PPHLN1: variants seen among roughly 807,000 people sequenced by gnomAD.
PPHLN1 encodes periphilin-1.
A neutral mutation model predicts 51.3 loss-of-function variants in PPHLN1; 29 were observed. The ratio of observed to expected loss-of-function variants is 0.57; its 90% CI spans 0.42 to 0.77. PPHLN1 has a LOEUF of 0.77. Ranked by LOEUF, PPHLN1 falls within the 30% of genes least tolerant of loss-of-function variation. The pLI, the probability that PPHLN1 is intolerant of heterozygous loss-of-function variation, is 0.00. For synonymous variants in PPHLN1, 147 were observed against 147.8 expected (o/e 0.99, Z 0.04); for missense variants, 436 against 438.4 (o/e 0.99, Z 0.05).
In PPHLN1 at chr12:42,356,110, G is replaced by A. The variant is rs138575917; in HGVS notation, c.299+888G>A. On this transcript the variant is annotated intron_variant, in intron 4 of 9. Transcript: ENST00000358314. ...TAAATGACATCACAGTGGTGGTATCGAAAGTTGTAAAAGGAGCCTTGTAGA... is the reference window on the plus strand; with the variant it reads ...TAAATGACATCACAGTGGTGGTATCAAAAGTTGTAAAAGGAGCCTTGTAGA... Among the ~76,000 whole-genome samples the A allele has an allele frequency of 6.6e-3, 1,005 of 152,266 alleles. 5 individuals are homozygous for A. Among genetic ancestry groups the A allele is most frequent in the Non-Finnish European group, 1.0e-2 (677 of 68,014 alleles).
intron 2 of PPHLN1, 138 bp from the exon 3 acceptor site, chr12:42,351,745 TTA>T: frequency 5.2e-6 from 3 of 574,302 alleles, no homozygotes; most frequent in Non-Finnish European, 8.2e-6. Flanking sequence ...TTAGTTATAT[TTA>T]TGTTATTTCA....
intron 9 of PPHLN1, among the ~76,000 whole-genome samples, chr12:42,422,985 T>TA (rs1209215226): frequency 1.3e-5 from 2 of 152,348 alleles, no homozygotes; most frequent in South Asian, 2.1e-4. Context: ...ACCTTGAGCA[T>TA]AAAGTGGAAG....
chr12:42,375,110 G>A, intron 5 of PPHLN1, 36 bp downstream of exon 5: 3 of 1,450,928 alleles, frequency 2.1e-6, no homozygotes, highest in Non-Finnish European at 2.9e-6. Flanking sequence ...TTCTCTCACA[G>A]TCTCCTCTGA....
At chr12:42,394,699 A>G (rs2078044533) in intron 8 of PPHLN1, among the ~76,000 whole-genome samples, 1 of 152,074 alleles carries the variant, frequency 6.6e-6, no homozygotes, top group East Asian at 1.9e-4. Context: ...AATAATAGAT[A>G]TTTATGCATA....
intron 8 of PPHLN1, among the ~76,000 whole-genome samples, chr12:42,394,712 C>G (rs2078045104): frequency 6.6e-6 from 1 of 151,982 alleles, no homozygotes; most frequent in Non-Finnish European, 1.5e-5. Context: ...TATGCATATT[C>G]TCCAGTAAAT....
chr12:42,356,697 C>G (rs376354730), intron 4 of PPHLN1, among the ~76,000 whole-genome samples: 58 of 152,186 alleles, frequency 3.8e-4, no homozygotes, highest in African/African-American at 1.3e-3. Context: ...ATAAAAATAG[C>G]CAGCTGGGAA....
intron 9 of PPHLN1, among the ~76,000 whole-genome samples, chr12:42,426,576 C>T (rs1459664652): frequency 6.6e-6 from 1 of 152,112 alleles, no homozygotes; most frequent in Non-Finnish European, 1.5e-5. Context: ...ATACAAAGGT[C>T]TATATGAAAA....
At chr12:42,420,267 G>A (rs2080866073) in intron 9 of PPHLN1, among the ~76,000 whole-genome samples, 1 of 151,214 alleles carries the variant, frequency 6.6e-6, no homozygotes, top group Non-Finnish European at 1.5e-5. Flanking sequence ...TTCTTAAATA[G>A]TGTCATCTTG....
chr12:42,389,234 G>A (rs185308304), intron 7 of PPHLN1, among the ~76,000 whole-genome samples: 4 of 152,162 alleles, frequency 2.6e-5, no homozygotes, highest in Middle Eastern at 3.4e-3. Context: ...TTAGCTGGCC[G>A]TGGTGGCAGG....
At chr12:42,360,503 T>C (rs1202150274) in intron 4 of PPHLN1, among the ~76,000 whole-genome samples, 1 of 125,058 alleles carries the variant, frequency 8.0e-6, no homozygotes, top group Admixed American at 8.9e-5. Context: ...GAGGTCTCAC[T>C]CTTGTCACCC....
At position 42,360,549 on chromosome 12, in the gene PPHLN1, G is replaced by A. The variant is rs540886741; in HGVS notation, c.299+5327G>A. On this transcript the variant is annotated intron_variant, in intron 4 of 9. Coordinates refer to ENST00000358314, the MANE Select transcript of PPHLN1 (RefSeq NM_201439.2). ...CTCACTCTGTCACCCAGGCTGGAGC[G>A]CAATGGTGTGGTCTCGGCTCACTGC... Among the ~76,000 whole-genome samples the A allele has an allele frequency of 2.2e-5, 3 of 136,652 alleles. No homozygotes were observed. In the South Asian group the frequency reaches 7.6e-4, roughly 34 times the overall value. 89.6% of individuals were successfully genotyped at this position (136,652 alleles called of 152,430 possible). A position where few individuals can be genotyped will look rare whatever the true frequency, so the allele number is the denominator to read the frequency against.
At chr12:42,402,957 G>A (rs191183481) in intron 9 of PPHLN1, among the ~76,000 whole-genome samples, 2 of 152,142 alleles carry the variant, frequency 1.3e-5, no homozygotes, top group Non-Finnish European at 2.9e-5. Flanking sequence ...ATCTGTTTTT[G>A]TTTTACATTT....
At chr12:42,401,034 G>A (rs1449972588) in intron 9 of PPHLN1, among the ~76,000 whole-genome samples, 1 of 152,050 alleles carries the variant, frequency 6.6e-6, no homozygotes, top group Non-Finnish European at 1.5e-5. Flanking sequence ...AATTCTGGGA[G>A]GTTTTTGGTT....
chr12:42,404,916 A>T (rs2079160758), intron 9 of PPHLN1, among the ~76,000 whole-genome samples: 1 of 152,018 alleles, frequency 6.6e-6, no homozygotes. Context: ...AATCCCAGCT[A>T]CTCAGGAGGC....
intron 4 of PPHLN1, among the ~76,000 whole-genome samples, chr12:42,366,988 A>G (rs1312629128): frequency 1.3e-5 from 2 of 152,156 alleles, no homozygotes; most frequent in Admixed American, 1.3e-4. Flanking sequence ...ACAGCCATAC[A>G]TTCATGTCTG....
At chr12:42,446,514 C>A (rs2083332006), downstream of PPHLN1, 1 of 1,534,418 alleles carries the variant, frequency 6.5e-7, no homozygotes, top group Non-Finnish European at 8.9e-7. Context: ...GACCCCCACT[C>A]CTGGGGGTCG....
At chr12:42,384,859 C>T in intron 5 of PPHLN1, 81 bp from the exon 6 acceptor site, 1 of 1,370,802 alleles carries the variant, frequency 7.3e-7, no homozygotes, top group Admixed American at 1.7e-5. Flanking sequence ...GTTCTCATCA[C>T]TCCTACTTCT....
At chr12:42,412,455 C>G (rs73272063) in intron 9 of PPHLN1, among the ~76,000 whole-genome samples, 15 of 151,808 alleles carry the variant, frequency 9.9e-5, no homozygotes, top group African/African-American at 3.6e-4. Flanking sequence ...AATAGTATTC[C>G]GTGGTGTATA....
Position 42,387,472 on chromosome 12 carries a change from C to A in PPHLN1, c.585C>A (p.Val195=). 6.2e-7 allele frequency: 1 copy of A among 1,612,818 alleles called. No individual in the cohort carries two copies. Among genetic ancestry groups the A allele is most frequent in the Non-Finnish European group, 8.5e-7 (1 of 1,179,528 alleles). ...GNPERDKERP[V]QSLKTSRDTS... ...CTTATATAGATAAAGAGAGGCCTGTCCAGTCTTTGAAAACATCAAGAGATA... is the reference window on the plus strand; with the variant it reads ...CTTATATAGATAAAGAGAGGCCTGTACAGTCTTTGAAAACATCAAGAGATA... The change falls in exon 7 of 10, where the codon GTC becomes GTA. Residue 195 remains valine, a synonymous_variant. Coordinates refer to ENST00000358314, the MANE Select transcript of PPHLN1 (RefSeq NM_201439.2).
Sources: gnomAD v4.1 joint callset for allele counts (sites outside exome capture counted in the v4.1 genomes callset) on GRCh38, gnomAD v4.1.1 for gene constraint, MANE v1.5 for transcripts, NCBI Gene and HGNC (gene_info 2026-07-23, HGNC 2026-07-21) for gene names.